Variants in ABCA8 observed in about 807,000 individuals in gnomAD.
ABCA8 encodes the protein ATP binding cassette subfamily A member 8, also known as ABC-type organic anion transporter ABCA8.
Under a neutral mutation model 192.3 loss-of-function variants are expected in ABCA8, and 177 were observed. The ratio of observed to expected loss-of-function variants is 0.92; its 90% CI spans 0.81 to 1.04. The LOEUF is 1.04. ABCA8 is among the 50% of genes least tolerant of loss of function. ABCA8 has a pLI of 0.00. For synonymous variants in ABCA8, 642 were observed against 690.2 expected, an observed-to-expected ratio of 0.93 and a Z score of 1.09; for missense variants, 1,915 against 1,904.8, an observed-to-expected ratio of 1.01 and a Z score of -0.10.
intron 24 of ABCA8, among the ~76,000 whole-genome samples, chr17:68,891,206 C>T (rs2066614431): frequency 1.3e-5 from 2 of 151,918 alleles, no homozygotes; most frequent in Non-Finnish European, 2.9e-5. Context: ...TTGTAGTGAG[C>T]CTTGAAGTCA....
intron 30 of ABCA8, 58 bp from the exon 31 acceptor site, chr17:68,882,038 C>T (rs1415586244): frequency 4.1e-6 from 6 of 1,450,838 alleles, no homozygotes; most frequent in Non-Finnish European, 4.8e-6. Flanking sequence ...AGCTTTGAAA[C>T]AAAATTCCAT....
rs1227596976 is a variant in ABCA8 at position 68,903,497 on chromosome 17, T to C, written c.2401A>G (p.Ile801Val). 1 of 1,614,084 alleles carries C rather than the reference T, an allele frequency of 6.2e-7. No individual in the cohort carries two copies. Among genetic ancestry groups the C allele is most frequent in the Non-Finnish European group, 8.5e-7 (1 of 1,180,006 alleles). Residue 801 changes from isoleucine (I) to valine (V), a missense_variant and splice_region_variant, in exon 20 of 40, where the codon ATT becomes GTT. Physicochemically the swap from Ile to Val is conservative, Grantham distance 29 (BLOSUM62 3). Coordinates refer to ENST00000586539, the MANE Select transcript of ABCA8 (RefSeq NM_001288985.2). Reference sequence around the variant, plus strand: ...GCTTGTACTTCTCCCAAAATAGCAATGTCTGCAAAACATAAAATAAGCAAC... The same window carrying C: ...GCTTGTACTTCTCCCAAAATAGCAACGTCTGCAAAACATAAAATAAGCAAC... ...EGKSTINESD[I>V]AILGEVQAEK...
At position 68,936,617 on chromosome 17, in the gene ABCA8, G is replaced by A. The variant is rs77740425; in HGVS notation, c.466+334C>T. Among the ~76,000 whole-genome samples the A allele has an allele frequency of 4.6e-3, 697 of 151,808 alleles. 10 individuals carry two copies. Among genetic ancestry groups the A allele is most frequent in the African/African-American group, 0.016 (644 of 41,436 alleles). ...TTTGAACAACTGAGCTTATTTGAAGGGAAATTTGTTCTATCTTATCCATAA... is the reference window on the plus strand; with the variant it reads ...TTTGAACAACTGAGCTTATTTGAAGAGAAATTTGTTCTATCTTATCCATAA... On this transcript the variant is annotated intron_variant, in intron 5 of 39. Coordinates refer to ENST00000586539, the MANE Select transcript of ABCA8 (RefSeq NM_001288985.2).
chr17:68,881,847 G>T lies in ABCA8; in HGVS notation c.3946+16C>A. ...GGAGGGCTCTGAGCCAGAAGTGGAA[G>T]ATCCCTATGGCCAACCTTTTCTAAC... On this transcript the variant is annotated intron_variant, in intron 31 of 39. Coordinates refer to ENST00000586539, the MANE Select transcript of ABCA8 (RefSeq NM_001288985.2). 1 of 1,593,014 alleles carries T rather than the reference G, an allele frequency of 6.3e-7. No homozygotes were observed. Among genetic ancestry groups the T allele is most frequent in the South Asian group, 1.1e-5 (1 of 90,438 alleles).
chr17:68,882,617 A>G lies in ABCA8; in HGVS notation c.3810T>C (p.Asn1270=). 1.2e-6 allele frequency: 2 copies of G among 1,612,438 alleles called. No homozygotes were observed. The highest frequency in any genetic ancestry group is 8.5e-7 in the Non-Finnish European group (1 of 1,179,420). The change falls in exon 30 of 40, where the codon AAT becomes AAC. Residue 1270 remains asparagine, a synonymous_variant. Coordinates refer to ENST00000586539, the MANE Select transcript of ABCA8 (RefSeq NM_001288985.2). The stretch of plus-strand genomic sequence containing the variant: ...GTTTTACCTCATCAAAATTAGTAGA[A>G]TTCAAGGCATTTGCTGTTCTCACTC... The part of the protein sequence containing the change: ...MERVRTANAL[N]STNFDEKPVI...
intron 20 of ABCA8, among the ~76,000 whole-genome samples, 153 bp from the exon 21 acceptor site, chr17:68,903,032 CA>C (rs1268262810): frequency 6.6e-6 from 1 of 152,126 alleles, no homozygotes; most frequent in Non-Finnish European, 1.5e-5. Flanking sequence ...TTACTAACTC[CA>C]AATTCAAGAT....
chr17:68,870,446 G>A (rs532248473), intron 37 of ABCA8, among the ~76,000 whole-genome samples: 2 of 152,220 alleles, frequency 1.3e-5, no homozygotes, highest in African/African-American at 4.8e-5. Flanking sequence ...AGTATAATGA[G>A]GTACAGAAGA....
chr17:68,940,695 T>G (rs1486289642), intron 4 of ABCA8, 63 bp downstream of exon 4: 1 of 1,415,492 alleles, frequency 7.1e-7, no homozygotes, highest in Non-Finnish European at 9.9e-7. Context: ...AATGTATAAA[T>G]CTGCGGTCAA....
rs34377045 is a variant in ABCA8 at position 68,918,930 on chromosome 17, C to CAAAAAAAA, written c.1788+363_1788+370dup. Among the ~76,000 whole-genome samples the CAAAAAAAA allele has an allele frequency of 1.9e-3, 87 of 45,908 alleles. 3 individuals are homozygous for CAAAAAAAA. The highest frequency in any genetic ancestry group is 4.2e-3 in the African/African-American group (55 of 13,010). The allele number at this position is 45,908 out of a possible 152,430, so 30.1% of individuals were successfully genotyped here. ...GGGCGACAAGAGCAAAACTCTGTCTCAAAAAAAAAAAAAAAAAAAAAAAAA... is the reference window on the plus strand; with the variant it reads ...GGGCGACAAGAGCAAAACTCTGTCTCAAAAAAAAAAAAAAAAAAAAAAAAAAAAAAAAA... On this transcript the variant is annotated intron_variant, in intron 14 of 39. Transcript: ENST00000586539.
rs1401356183 is a variant in ABCA8, at chr17:68,933,167, C to G, written c.570+1G>C. On this transcript the variant is annotated splice_donor_variant, in intron 6 of 39. Transcript: ENST00000586539. LOFTEE classifies it high-confidence loss of function. ...GTTTGCTTTGAACATTTTGTACTCACTTCTATAATAGCAGCATTAATGGCA... is the reference window on the plus strand; with the variant it reads ...GTTTGCTTTGAACATTTTGTACTCAGTTCTATAATAGCAGCATTAATGGCA... The G allele has an allele frequency of 6.2e-7, 1 of 1,604,584 alleles. No individual in the cohort carries two copies. The highest frequency in any genetic ancestry group is 8.5e-7 in the Non-Finnish European group (1 of 1,172,908).
intron 19 of ABCA8, 99 bp from the exon 20 acceptor site, chr17:68,903,598 T>A: frequency 1.9e-6 from 2 of 1,075,062 alleles, no homozygotes; most frequent in East Asian, 4.9e-5. Context: ...TCCGCGTTAC[T>A]ATAGGTATAA....
At chr17:68,949,125 T>C (rs1340691273) in intron 2 of ABCA8, among the ~76,000 whole-genome samples, 187 bp downstream of exon 2, 2 of 152,176 alleles carry the variant, frequency 1.3e-5, no homozygotes, top group East Asian at 1.9e-4. Context: ...ACCAGTATCA[T>C]GGTGTTTTGG....
At position 68,883,779 on chromosome 17, in the gene ABCA8, G is replaced by GT; in HGVS notation, c.3707+11dup. On this transcript the variant is annotated intron_variant, in intron 29 of 39. Transcript: ENST00000586539. ...GATCAACAAAATAAAAATCTGATGT[G>GT]TTTTTTCCAACCTAAAGAAAGGATC... 3.9e-6 allele frequency: 6 copies of GT among 1,519,624 alleles called. No individual in the cohort carries two copies. The highest frequency in any genetic ancestry group is 1.2e-5 in the South Asian group (1 of 81,760). 94.1% of individuals were successfully genotyped at this position (1,519,624 alleles called of 1,614,324 possible). A position where few individuals can be genotyped will look rare whatever the true frequency, so the allele number is the denominator to read the frequency against.
intron 5 of ABCA8, among the ~76,000 whole-genome samples, chr17:68,933,968 A>G (rs1280892037): frequency 6.6e-6 from 1 of 152,158 alleles, no homozygotes; most frequent in African/African-American, 2.4e-5. Context: ...AAATAAATGC[A>G]TCATTTCAAA....
intron 37 of ABCA8, among the ~76,000 whole-genome samples, chr17:68,873,711 T>C (rs1321106412): frequency 1.3e-5 from 2 of 152,236 alleles, no homozygotes; most frequent in Admixed American, 1.3e-4. Context: ...TCATCCATTT[T>C]GAGTTGATTT....
At chr17:68,953,439 C>A (rs1310301764) in intron 1 of ABCA8, among the ~76,000 whole-genome samples, 1 of 152,166 alleles carries the variant, frequency 6.6e-6, no homozygotes, top group Non-Finnish European at 1.5e-5. Context: ...GGTGGTGCTA[C>A]TTTCTAGAGC....
intron 21 of ABCA8, among the ~76,000 whole-genome samples, chr17:68,899,077 C>A (rs766640371): frequency 2.0e-4 from 30 of 151,584 alleles, no homozygotes; most frequent in Non-Finnish European, 3.4e-4. Context: ...TCACCAAGAA[C>A]ATAATTCAAA....
intron 4 of ABCA8, among the ~76,000 whole-genome samples, chr17:68,939,846 C>T (rs2143755517): frequency 6.6e-6 from 1 of 152,254 alleles, no homozygotes; most frequent in South Asian, 2.1e-4. Flanking sequence ...AGTCACCCTA[C>T]TGATCTATCG....
chr17:68,936,190 C>T (rs759979042), intron 5 of ABCA8, among the ~76,000 whole-genome samples: 2 of 151,826 alleles, frequency 1.3e-5, no homozygotes, highest in Non-Finnish European at 2.9e-5. Context: ...AATTAAGTCT[C>T]GTTTTTCTAT....
Sources: allele counts gnomAD v4.1 joint callset (sites outside exome capture counted in the v4.1 genomes callset), GRCh38; gene constraint gnomAD v4.1.1; transcripts MANE v1.5; gene names NCBI Gene and HGNC (gene_info 2026-07-23, HGNC 2026-07-21).